Variants in BIN1 observed in about 807,000 individuals in gnomAD.
BIN1 encodes myc box-dependent-interacting protein 1.
In BIN1, 53 loss-of-function variants were observed where a neutral mutation model predicts 82.0. The ratio of observed to expected loss-of-function variants is 0.65; its 90% CI spans 0.52 to 0.81. The LOEUF is 0.81. Among genes scored for constraint, BIN1 ranks in the 40% least tolerant of loss-of-function variants. The pLI, the probability that BIN1 is intolerant of heterozygous loss-of-function variation, is 0.00. For synonymous variants in BIN1, 302 were observed against 328.0 expected, an observed-to-expected ratio of 0.92 and a Z score of 0.86; for missense variants, 642 against 784.4, an observed-to-expected ratio of 0.82 and a Z score of 2.17.
Position 127,057,965 on chromosome 2 carries a change from T to G in BIN1, c.1003-364A>C, listed in dbSNP as rs551160141. The stretch of plus-strand genomic sequence containing the variant: ...GCTCCCACTGGCCTGGTGAGAAGAC[T>G]GGGGAAGCAAACAGTCGTTGAGAGA... On this transcript the variant is annotated intron_variant, in intron 11 of 18. Transcript: ENST00000316724. The surrounding 1 kb of genome is among the most constrained non-coding windows in gnomAD (Gnocchi z 5.0). Among the ~76,000 whole-genome samples, 1 of 152,070 alleles carries G rather than the reference T, an allele frequency of 6.6e-6. No homozygotes were observed. Among genetic ancestry groups the G allele is most frequent in the Non-Finnish European group, 1.5e-5 (1 of 67,992 alleles).
At position 127,068,139 on chromosome 2, in the gene BIN1, T is replaced by C; in HGVS notation, c.612+24A>G. The C allele has an allele frequency of 6.2e-7, 1 of 1,607,830 alleles. No individual in the cohort carries two copies. Among genetic ancestry groups the C allele is most frequent in the Non-Finnish European group, 8.5e-7 (1 of 1,176,456 alleles). On this transcript the variant is annotated intron_variant, in intron 7 of 18. Transcript: ENST00000316724. The surrounding 1 kb of genome is among the most constrained non-coding windows in gnomAD (Gnocchi z 4.9). ...CGACAGACCGGAAGGCGCCAGCACG[T>C]GCAAGGTTAGAAGCCAGTGTCACCT...
chr2:127,059,300 G>T lies in BIN1; in HGVS notation c.858-145C>A. On this transcript the variant is annotated intron_variant, in intron 10 of 18. Coordinates refer to ENST00000316724, the MANE Select transcript of BIN1 (RefSeq NM_139343.3). The surrounding 1 kb of genome is among the most constrained non-coding windows in gnomAD (Gnocchi z 6.7). Reference sequence around the variant, plus strand: ...TGTGTGTGTGTGTGTGTGTATGTGAGAGAGAGCAGGAGGGTGGGGGGAGCC... The same window carrying T: ...TGTGTGTGTGTGTGTGTGTATGTGATAGAGAGCAGGAGGGTGGGGGGAGCC... 1 of 770,634 alleles carries T rather than the reference G, an allele frequency of 1.3e-6. No homozygotes were observed. Among genetic ancestry groups the T allele is most frequent in the Non-Finnish European group, 2.0e-6 (1 of 495,248 alleles). 47.7% of individuals were successfully genotyped at this position (770,634 alleles called of 1,614,324 possible). A position where few individuals can be genotyped will look rare whatever the true frequency, so the allele number is the denominator to read the frequency against.
chr2:127,053,285 C>T, intron 14 of BIN1, 137 bp downstream of exon 14: 1 of 1,283,084 alleles, frequency 7.8e-7, no homozygotes, highest in South Asian at 1.3e-5. Flanking sequence ...TGTGCGTGAG[C>T]ACGTGCCTGT....
At chr2:127,073,880 G>C (rs1686246731) in intron 2 of BIN1, among the ~76,000 whole-genome samples, 1 of 152,280 alleles carries the variant, frequency 6.6e-6, no homozygotes, top group Admixed American at 6.5e-5. Flanking sequence ...CAGTACTCTG[G>C]GGGAGGGGCA....
intron 2 of BIN1, 88 bp downstream of exon 2, chr2:127,076,538 C>G (rs1476472412): frequency 1.4e-6 from 2 of 1,467,906 alleles, no homozygotes; most frequent in South Asian, 1.1e-5. Context: ...TCCAAGCTCT[C>G]GTACTCCACA....
chr2:127,060,535 A>G (rs1684303393), intron 10 of BIN1: 2 of 1,610,412 alleles, frequency 1.2e-6, no homozygotes. Context: ...CGCAAGGCGC[A>G]TGCACAGGGC....
Position 127,076,139 on chromosome 2 carries a change from C to A in BIN1, c.165+487G>T, listed in dbSNP as rs1474839343. Among the ~76,000 whole-genome samples, 4 of 152,166 alleles carry A rather than the reference C, an allele frequency of 2.6e-5. 1 individual carries two copies. Among genetic ancestry groups the A allele is most frequent in the African/African-American group, 9.7e-5 (4 of 41,410 alleles). On this transcript the variant is annotated intron_variant, in intron 2 of 18. Coordinates refer to ENST00000316724, the MANE Select transcript of BIN1 (RefSeq NM_139343.3). ...CAGCCCTCTCTCAAATGCTCCCAGG[C>A]CAATTGGAGATGGCTGCGGATGCCT...
chr2:127,085,847 G>A (rs1304740448), intron 1 of BIN1, among the ~76,000 whole-genome samples: 4 of 152,212 alleles, frequency 2.6e-5, no homozygotes, highest in Admixed American at 2.6e-4. Flanking sequence ...ATGAGGTGGT[G>A]GCAGGAGGGG....
At chr2:127,061,653 G>A (rs574747245) in intron 10 of BIN1, among the ~76,000 whole-genome samples, 1 of 152,352 alleles carries the variant, frequency 6.6e-6, no homozygotes, top group South Asian at 2.1e-4. Flanking sequence ...AGGACAGGAA[G>A]AGGATGCTCG....
intron 7 of BIN1, among the ~76,000 whole-genome samples, chr2:127,066,681 C>T (rs1192360698): frequency 1.3e-5 from 2 of 152,168 alleles, no homozygotes; most frequent in Non-Finnish European, 2.9e-5. Flanking sequence ...CCTGGTTCCC[C>T]ATGGGCACCC....
At chr2:127,094,094 G>C (rs1215329694) in intron 1 of BIN1, among the ~76,000 whole-genome samples, 1 of 152,166 alleles carries the variant, frequency 6.6e-6, no homozygotes, top group African/African-American at 2.4e-5. Context: ...CTGTTCTCCC[G>C]TTTAATCCTC....
At chr2:127,055,977 T>C (rs1000086095) in intron 12 of BIN1, 1 of 152,142 alleles carries the variant, frequency 6.6e-6, no homozygotes, top group South Asian at 2.1e-4. Context: ...TATGGAGGGA[T>C]AGGCGCGCTC....
rs769721985 is a variant in BIN1, at chr2:127,106,845, C to T, written c.84+15G>A. ...GGCTGGGACTCCGCGGCTGCTGGGG[C>T]TCCGGCTCGCTCACCTTCTCCTGCG... On this transcript the variant is annotated intron_variant, in intron 1 of 18. Coordinates refer to ENST00000316724, the MANE Select transcript of BIN1 (RefSeq NM_139343.3). 1 of 1,589,732 alleles carries T rather than the reference C, an allele frequency of 6.3e-7. No homozygotes were observed. The highest frequency in any genetic ancestry group is 8.5e-7 in the Non-Finnish European group (1 of 1,170,298).
chr2:127,097,751 G>A (rs963122191), intron 1 of BIN1, among the ~76,000 whole-genome samples: 12 of 152,162 alleles, frequency 7.9e-5, no homozygotes, highest in African/African-American at 2.7e-4. Context: ...AACACGTGGG[G>A]AGGGAAGCTG....
chr2:127,048,960 T>C (rs1271186184), intron 18 of BIN1, among the ~76,000 whole-genome samples: 1 of 152,112 alleles, frequency 6.6e-6, no homozygotes, highest in South Asian at 2.1e-4. Context: ...CCCCAGAAAG[T>C]TTTGGGAGTG....
At chr2:127,050,210 G>C (rs940961963) in intron 18 of BIN1, among the ~76,000 whole-genome samples, 1 of 152,172 alleles carries the variant, frequency 6.6e-6, no homozygotes, top group Non-Finnish European at 1.5e-5. Context: ...GAGAGAGAGA[G>C]GCCTAACAGG....
intron 10 of BIN1, chr2:127,060,747 G>A (rs889599594): frequency 1.4e-6 from 2 of 1,434,814 alleles, no homozygotes; most frequent in Non-Finnish European, 1.9e-6. Flanking sequence ...AGAGGACAAA[G>A]GGGCAAAAGC....
chr2:127,068,801 G>A lies in BIN1; in HGVS notation c.519+123C>T, dbSNP rs929128968. ...CACTCACCGGCCTGGGCCCTGTATC[G>A]TCCCCACCCCCAGTTCAGCCACCTG... On this transcript the variant is annotated intron_variant, in intron 6 of 18. Coordinates refer to ENST00000316724, the MANE Select transcript of BIN1 (RefSeq NM_139343.3). The surrounding 1 kb of genome is among the most constrained non-coding windows in gnomAD (Gnocchi z 4.9). 11 of 940,278 alleles carry A rather than the reference G, an allele frequency of 1.2e-5. No individual in the cohort carries two copies. The highest frequency in any genetic ancestry group is 1.4e-5 in the South Asian group (1 of 73,074). The allele number at this position is 940,278 out of a possible 1,614,324, so 58.2% of individuals were successfully genotyped here. A position where few individuals can be genotyped will look rare whatever the true frequency, so the allele number is the denominator to read the frequency against.
rs538160194 is a variant in BIN1 at position 127,099,959 on chromosome 2, C to T, written c.84+6901G>A. Reference sequence around the variant, plus strand: ...GCTGGGATTACAAGCGCCGCCACCACGCCAGGCTAATTTTTGTATTTTTAG... The same window carrying T: ...GCTGGGATTACAAGCGCCGCCACCATGCCAGGCTAATTTTTGTATTTTTAG... On this transcript the variant is annotated intron_variant, in intron 1 of 18. Transcript: ENST00000316724. Among the ~76,000 whole-genome samples the T allele has an allele frequency of 6.6e-5, 10 of 152,092 alleles. No homozygotes were observed. The East Asian group carries it at 7.7e-4, about 12-fold the overall frequency.
Sources: gnomAD v4.1 joint callset for allele counts (sites outside exome capture counted in the v4.1 genomes callset) on GRCh38, gnomAD v4.1.1 for gene constraint, Gnocchi (gnomAD v3.1) non-coding constraint, MANE v1.5 for transcripts, NCBI Gene and HGNC (gene_info 2026-07-23, HGNC 2026-07-21) for gene names.